The following ATG4B variants were observed in gnomAD, a reference collection of about 807,000 sequenced individuals.
ATG4B encodes the protein autophagy related 4B cysteine peptidase.
A neutral mutation model predicts 56.6 loss-of-function variants in ATG4B; 29 were observed. The ratio of observed to expected loss-of-function variants is 0.51; its 90% CI spans 0.38 to 0.70. The LOEUF (loss-of-function observed/expected upper bound fraction) is 0.70, where lower values mean the gene tolerates loss of function less well. ATG4B is among the 30% of genes least tolerant of loss of function. ATG4B has a pLI of 0.00. For synonymous variants in ATG4B, 224 were observed against 206.1 expected (o/e 1.09, Z -0.74); for missense variants, 461 against 515.5 (o/e 0.89, Z 1.02).
At chr2:241,658,916 G>A (rs992981250) in intron 6 of ATG4B, among the ~76,000 whole-genome samples, 192 bp from the exon 7 acceptor site, 2 of 152,236 alleles carry the variant, frequency 1.3e-5, no homozygotes, top group Non-Finnish European at 2.9e-5. Context: ...GGCCTCAGGC[G>A]AGAAGAAGCA....
rs762520966 is a variant in ATG4B at position 241,651,136 on chromosome 2, C to T, written c.112+25C>T. 1.0e-4 allele frequency: 160 copies of T among 1,596,498 alleles called. No individual in the cohort carries two copies. Among genetic ancestry groups the T allele is most frequent in the Non-Finnish European group, 1.2e-4 (136 of 1,168,438 alleles). ...GGTATCGGCCATGCTGGAGCCCACC[C>T]TGGTCTGACCGCTTGGCCTGCAGAA... is the stretch of plus-strand genomic sequence containing the variant. On this transcript the variant is annotated intron_variant, in intron 2 of 12. Coordinates refer to ENST00000404914, the MANE Select transcript of ATG4B (RefSeq NM_013325.5). This position sits in a 1 kb window ranked among gnomAD's most constrained non-coding sequence, Gnocchi z 4.1.
rs2125146828 is a variant in ATG4B, at chr2:241,668,492, C to T, written c.812-48C>T. The T allele has an allele frequency of 6.3e-7, 1 of 1,584,550 alleles. No individual in the cohort carries two copies. Among genetic ancestry groups the T allele is most frequent in the Middle Eastern group, 1.7e-4 (1 of 6,024 alleles). ...GAAATGCGGCCTCCTCTGTCCCTTT[C>T]CTCTGCCGGCTCGGCCACCCACCTG... On this transcript the variant is annotated intron_variant, in intron 9 of 12. Coordinates refer to ENST00000404914, the MANE Select transcript of ATG4B (RefSeq NM_013325.5). This position sits in a 1 kb window ranked among gnomAD's most constrained non-coding sequence, Gnocchi z 4.2.
At chr2:241,654,425 A>G in intron 4 of ATG4B, 121 bp from the exon 5 acceptor site, 1 of 633,054 alleles carries the variant, frequency 1.6e-6, no homozygotes, top group South Asian at 2.2e-5. Context: ...TGTTTAAAAA[A>G]AAAAAAAAAA....
At chr2:241,670,374 C>T (rs35279812) in intron 10 of ATG4B, among the ~76,000 whole-genome samples, 29,953 of 151,972 alleles carry the variant, frequency 0.2, 3,286 homozygotes, top group East Asian at 0.27. Flanking sequence ...AGCGGCCCTG[C>T]CTCACAGTCA....
At position 241,672,943 on chromosome 2, in the gene ATG4B, G is replaced by A. The variant is rs773109803; in HGVS notation, c.*679G>A. The A allele has an allele frequency of 7.9e-5, 13 of 163,602 alleles. No individual in the cohort carries two copies. Among genetic ancestry groups the A allele is most frequent in the South Asian group, 1.6e-4 (1 of 6,130 alleles). 10.1% of individuals were successfully genotyped at this position (163,602 alleles called of 1,614,324 possible). On this transcript the variant is annotated 3_prime_UTR_variant, in exon 13 of 13. Transcript: ENST00000404914. ...ACAGCGTGGGCGGCCTGGGCAGAAG[G>A]GCGGCTGGCTGTCCTGGAGCTGCTG... is the stretch of plus-strand genomic sequence containing the variant.
chr2:241,645,047 G>A (rs1355011542), intron 1 of ATG4B, among the ~76,000 whole-genome samples: 6 of 152,082 alleles, frequency 3.9e-5, no homozygotes, highest in Non-Finnish European at 5.9e-5. Flanking sequence ...TCTTTGTACC[G>A]TTCTGATGCC....
At position 241,668,556 on chromosome 2, in the gene ATG4B, C is replaced by T. The variant is rs746098059; in HGVS notation, c.828C>T (p.Tyr276=). The change falls in exon 10 of 13, where the codon TAC becomes TAT. Residue 276 remains tyrosine (Y), a synonymous_variant. Transcript: ENST00000404914. This position sits in a 1 kb window ranked among gnomAD's most constrained non-coding sequence, Gnocchi z 4.2. ...FIGYVGEELI[Y]LDPHTTQPAV... is the part of the protein sequence containing the mutation. ...TCCTCCCAGGTGAGGAGCTCATCTA[C>T]CTGGACCCCCACACCACGCAGCCAG... The T allele has an allele frequency of 3.1e-6, 5 of 1,609,722 alleles. No homozygotes were observed. The East Asian group carries it at 6.7e-5, about 22-fold the overall frequency.
intron 12 of ATG4B, 29 bp from the exon 13 acceptor site, chr2:241,672,161 GC>G (rs749119231): frequency 1.9e-6 from 3 of 1,558,708 alleles, no homozygotes. Flanking sequence ...CACCCAAGAT[GC>G]CTGATGCGCT....
Position 241,651,223 on chromosome 2 carries a change from C to T in ATG4B, c.113-41C>T, listed in dbSNP as rs779150170. ...TAACTTGTGACTTGCAAACTTAAGG[C>T]GTTGTGTGTGTGTGTTTTTTTTCTT... On this transcript the variant is annotated intron_variant, in intron 2 of 12. Transcript: ENST00000404914. This position sits in a 1 kb window ranked among gnomAD's most constrained non-coding sequence, Gnocchi z 4.1. 3.7e-5 allele frequency: 58 copies of T among 1,555,002 alleles called. No homozygotes were observed. The highest frequency in any genetic ancestry group is 7.0e-5 in the South Asian group (6 of 85,158).
chr2:241,660,874 C>G (rs1295237731), intron 7 of ATG4B, among the ~76,000 whole-genome samples: 1 of 152,162 alleles, frequency 6.6e-6, no homozygotes, highest in African/African-American at 2.4e-5. Flanking sequence ...AGGATCTCAC[C>G]AAGTCACACC....
chr2:241,672,854 C>A lies in ATG4B; in HGVS notation c.*590C>A, dbSNP rs2069028197. 1.2e-5 allele frequency: 2 copies of A among 161,288 alleles called. No individual in the cohort carries two copies. The highest frequency in any genetic ancestry group is 2.7e-5 in the Non-Finnish European group (2 of 72,864). 10.0% of individuals were successfully genotyped at this position (161,288 alleles called of 1,614,324 possible). A position where few individuals can be genotyped will look rare whatever the true frequency, so the allele number is the denominator to read the frequency against. On this transcript the variant is annotated 3_prime_UTR_variant, in exon 13 of 13. Coordinates refer to ENST00000404914, the MANE Select transcript of ATG4B (RefSeq NM_013325.5). ...GGAACGAAGGCGAGGTTCCTCCTTG[C>A]TTTGGGGAGAAAAGTATTCAGGAAG...
intron 1 of ATG4B, among the ~76,000 whole-genome samples, chr2:241,639,984 T>C (rs1475442117): frequency 6.6e-6 from 1 of 152,216 alleles, no homozygotes; most frequent in African/African-American, 2.4e-5. Flanking sequence ...GTTTCACTGG[T>C]GACCCACCCC....
chr2:241,657,872 G>T (rs1204127097), intron 6 of ATG4B, among the ~76,000 whole-genome samples: 1 of 152,264 alleles, frequency 6.6e-6, no homozygotes, highest in East Asian at 1.9e-4. Flanking sequence ...TGACTCAGGC[G>T]GGGCTCTACC....
chr2:241,654,422 A>T (rs1184881435), intron 4 of ATG4B, 124 bp from the exon 5 acceptor site: 9 of 212,390 alleles, frequency 4.2e-5, no homozygotes, highest in East Asian at 2.2e-4. Flanking sequence ...CTCTGTTTAA[A>T]AAAAAAAAAA....
At position 241,657,411 on chromosome 2, in the gene ATG4B, TCTC is replaced by T. The variant is rs1255931682; in HGVS notation, c.459-1694_459-1692del. Among the ~76,000 whole-genome samples, 9 of 152,034 alleles carry T rather than the reference TCTC, an allele frequency of 5.9e-5. No homozygotes were observed. In the South Asian group the frequency reaches 1.7e-3, roughly 28 times the overall value. ...CCTCCCGGGTCCCAGTTCAAGCAATTCTCCTGCCTTAGCCTCTTCAGTAGCTGG... is the reference window on the plus strand; with the variant it reads ...CCTCCCGGGTCCCAGTTCAAGCAATTCTGCCTTAGCCTCTTCAGTAGCTGG... On this transcript the variant is annotated intron_variant, in intron 6 of 12. Coordinates refer to ENST00000404914, the MANE Select transcript of ATG4B (RefSeq NM_013325.5).
intron 6 of ATG4B, among the ~76,000 whole-genome samples, chr2:241,656,470 T>C (rs2068408704): frequency 6.6e-6 from 1 of 152,136 alleles, no homozygotes; most frequent in East Asian, 1.9e-4. Flanking sequence ...ACACTTCTCT[T>C]GCTGCTGCCT....
In ATG4B at chr2:241,668,767, C is replaced by G. The variant is rs984103359; in HGVS notation, c.957+82C>G. On this transcript the variant is annotated intron_variant, in intron 10 of 12. Transcript: ENST00000404914. This position sits in a 1 kb window ranked among gnomAD's most constrained non-coding sequence, Gnocchi z 4.2. The stretch of plus-strand genomic sequence containing the variant: ...GACGAGGAAAACTTTCGGATTTTTG[C>G]GTTTTTTTTTTCAGCATGTTGGGAT... The G allele has an allele frequency of 8.3e-6, 12 of 1,442,380 alleles. No individual in the cohort carries two copies. Among genetic ancestry groups the G allele is most frequent in the African/African-American group, 5.8e-5 (4 of 68,434 alleles). 89.3% of individuals were successfully genotyped at this position (1,442,380 alleles called of 1,614,324 possible). A position where few individuals can be genotyped will look rare whatever the true frequency, so the allele number is the denominator to read the frequency against.
chr2:241,642,981 C>T (rs2067948010), intron 1 of ATG4B, among the ~76,000 whole-genome samples: 2 of 145,124 alleles, frequency 1.4e-5, no homozygotes, highest in South Asian at 4.6e-4. Flanking sequence ...CTCCTGGGTT[C>T]AAGAGATTCT....
chr2:241,643,277 T>C (rs1326733674), intron 1 of ATG4B, among the ~76,000 whole-genome samples: 1 of 151,732 alleles, frequency 6.6e-6, no homozygotes, highest in Non-Finnish European at 1.5e-5. Context: ...CGGCCTCAGC[T>C]CATTGCAGCC....
Sources: gnomAD v4.1 joint callset for allele counts (sites outside exome capture counted in the v4.1 genomes callset) on GRCh38, gnomAD v4.1.1 for gene constraint, Gnocchi (gnomAD v3.1) non-coding constraint, MANE v1.5 for transcripts, NCBI Gene and HGNC (gene_info 2026-07-23, HGNC 2026-07-21) for gene names.